The following JAKMIP3 variants were observed in gnomAD, a reference collection of about 807,000 sequenced individuals.
JAKMIP3 encodes janus kinase and microtubule-interacting protein 3.
In JAKMIP3, 58 loss-of-function variants were observed where a neutral mutation model predicts 118.5. The ratio of observed to expected loss-of-function variants is 0.49; its 90% CI spans 0.40 to 0.61. The LOEUF is 0.61. Ranked by LOEUF, JAKMIP3 falls within the 20% of genes least tolerant of loss-of-function variation. The pLI is 0.00. For missense variants in JAKMIP3, 950 were observed against 1,109.0 expected, an observed-to-expected ratio of 0.86 and a Z score of 2.04; for synonymous variants, 486 against 451.2, an observed-to-expected ratio of 1.08 and a Z score of -0.98.
At chr10:132,097,676 G>T (rs1235041574) in intron 1 of JAKMIP3, among the ~76,000 whole-genome samples, 1 of 151,918 alleles carries the variant, frequency 6.6e-6, no homozygotes, top group Non-Finnish European at 1.5e-5. Flanking sequence ...GGGGGAAATA[G>T]GGAAAGGGGA....
intron 3 of JAKMIP3, among the ~76,000 whole-genome samples, chr10:132,122,012 C>A (rs746596665): frequency 6.6e-6 from 1 of 152,226 alleles, no homozygotes; most frequent in Non-Finnish European, 1.5e-5. Flanking sequence ...CCAGCAAAGC[C>A]TCCTGTCTTT....
At chr10:132,149,350 C>T in intron 14 of JAKMIP3, 62 bp from the exon 15 acceptor site, 1 of 1,132,508 alleles carries the variant, frequency 8.8e-7, no homozygotes, top group Non-Finnish European at 1.3e-6. Context: ...GGCCCCAGCA[C>T]AGTCCTCTTA....
At chr10:132,061,216 GGC>G (rs368512819), upstream of JAKMIP3, among the ~76,000 whole-genome samples, 5 of 35,984 alleles carry the variant, frequency 1.4e-4, no homozygotes, top group African/African-American at 3.6e-4. Flanking sequence ...CTGCCGTGAC[GGC>G]GCACACATAC....
At chr10:132,159,682 A>ATGCTGGGGGGTCCTCTCCCTG (rs1564981995) in intron 19 of JAKMIP3, among the ~76,000 whole-genome samples, 14 of 40,418 alleles carry the variant, frequency 3.5e-4, no homozygotes, top group African/African-American at 1.2e-3. Flanking sequence ...TCCTCTCCCT[A>ATGCTGGGGGGTCCTCTCCCTG]TGTGATGCTC....
chr10:132,153,591 C>T (rs2056614493), intron 17 of JAKMIP3, among the ~76,000 whole-genome samples, 168 bp from the exon 18 acceptor site: 1 of 152,134 alleles, frequency 6.6e-6, no homozygotes, highest in African/African-American at 2.4e-5. Flanking sequence ...AGGGGTGGGG[C>T]CATGATGCCA....
chr10:132,053,065 G>A (rs2038143484), intron 1 of JAKMIP3, among the ~76,000 whole-genome samples: 1 of 152,154 alleles, frequency 6.6e-6, no homozygotes, highest in East Asian at 1.9e-4. Flanking sequence ...ACATGTTTGT[G>A]GGGTTTCTCT....
chr10:132,077,947 G>C (rs2041091570), intron 1 of JAKMIP3, among the ~76,000 whole-genome samples: 1 of 152,234 alleles, frequency 6.6e-6, no homozygotes, highest in African/African-American at 2.4e-5. Context: ...GAGTAGCTGA[G>C]ACTACAGGCA....
chr10:132,102,044 T>G (rs1446603553), intron 1 of JAKMIP3, among the ~76,000 whole-genome samples: 1 of 151,940 alleles, frequency 6.6e-6, no homozygotes, highest in Non-Finnish European at 1.5e-5. Flanking sequence ...AGCTGGTGTC[T>G]CCCCTTAGAG....
chr10:132,057,716 T>A (rs959980544), intron 1 of JAKMIP3, among the ~76,000 whole-genome samples: 1 of 152,132 alleles, frequency 6.6e-6, no homozygotes, highest in Non-Finnish European at 1.5e-5. Flanking sequence ...GTCGACCCCT[T>A]GGTGCTGGGT....
At chr10:132,113,827 C>T (rs1198869681) in intron 2 of JAKMIP3, among the ~76,000 whole-genome samples, 5 of 152,212 alleles carry the variant, frequency 3.3e-5, no homozygotes, top group Admixed American at 6.5e-5. Context: ...GCACCATTCA[C>T]GTAAAAAAGG....
At position 132,158,969 on chromosome 10, in the gene JAKMIP3, T is replaced by TGG. The variant is rs1203584355; in HGVS notation, c.2221-4234_2221-4233dup. Among the ~76,000 whole-genome samples the TGG allele has an allele frequency of 9.5e-5, 6 of 63,178 alleles. 1 individual carries two copies. The highest frequency in any genetic ancestry group is 2.4e-4 in the Admixed American group (1 of 4,146). The allele number at this position is 63,178 out of a possible 152,430, so 41.4% of individuals were successfully genotyped here. ...GGGGGGACCTCTCGCTGTGTGATGC[T>TGG]GGGGGGGATCTCTCGCTGTGTGATG... is the stretch of plus-strand genomic sequence containing the variant. On this transcript the variant is annotated intron_variant, in intron 19 of 23. Coordinates refer to ENST00000684848, the MANE Select transcript of JAKMIP3 (RefSeq NM_001323087.2).
At chr10:132,107,576 G>A (rs778986988) in intron 2 of JAKMIP3, among the ~76,000 whole-genome samples, 8 of 152,254 alleles carry the variant, frequency 5.3e-5, no homozygotes, top group Admixed American at 1.3e-4. Context: ...GCCCTCGCCA[G>A]AGGGTTCATG....
Position 132,153,017 on chromosome 10 carries a change from C to T in JAKMIP3, c.2067C>T (p.Ala689=), listed in dbSNP as rs371410240. 37 of 1,606,870 alleles carry T rather than the reference C, an allele frequency of 2.3e-5. No homozygotes were observed. Among genetic ancestry groups the T allele is most frequent in the Admixed American group, 1.0e-4 (6 of 59,264 alleles). The change falls in exon 17 of 24, where the codon GCC becomes GCT. Residue 689 remains alanine (A), a synonymous_variant. Coordinates refer to ENST00000684848, the MANE Select transcript of JAKMIP3 (RefSeq NM_001323087.2). The part of the protein sequence containing the change: ...VIQARTVLTL[A]EKWLQQIEET... Reference sequence around the variant, plus strand: ...AAGCCAGGACAGTCCTGACCTTGGCCGAAAAGGTAACAGCAGCTGTGTGGA... The same window carrying T: ...AAGCCAGGACAGTCCTGACCTTGGCTGAAAAGGTAACAGCAGCTGTGTGGA...
chr10:132,150,611 C>T (rs2055923330), intron 16 of JAKMIP3, among the ~76,000 whole-genome samples: 3 of 152,170 alleles, frequency 2.0e-5, no homozygotes, highest in South Asian at 2.1e-4. Context: ...GTCTTATATC[C>T]ATCCATCTAT....
At chr10:132,067,240 G>A (rs964094035) in intron 1 of JAKMIP3, among the ~76,000 whole-genome samples, 1 of 142,626 alleles carries the variant, frequency 7.0e-6, no homozygotes, top group Non-Finnish European at 1.5e-5. Flanking sequence ...AAGACAAGAC[G>A]CCTGGCACAT....
chr10:132,159,984 A>C (rs1159003866), intron 19 of JAKMIP3, among the ~76,000 whole-genome samples: 9 of 9,010 alleles, frequency 1.0e-3, no homozygotes, highest in East Asian at 7.8e-3. Context: ...GTGGGGGTCT[A>C]CTTCTATGTC....
chr10:132,059,967 G>A (rs867825612), upstream of JAKMIP3, among the ~76,000 whole-genome samples: 60 of 152,350 alleles, frequency 3.9e-4, no homozygotes, highest in African/African-American at 1.2e-3. Context: ...CAGCTGCTGG[G>A]TTGGGCAGGC....
At chr10:132,087,958 T>G (rs1300764067) in intron 1 of JAKMIP3, among the ~76,000 whole-genome samples, 20 of 152,048 alleles carry the variant, frequency 1.3e-4, no homozygotes, top group Non-Finnish European at 8.8e-5. Context: ...ACATGCAGTG[T>G]TTAGTTTTTT....
chr10:132,106,383 T>G (rs1200805623), intron 2 of JAKMIP3, among the ~76,000 whole-genome samples: 1 of 150,482 alleles, frequency 6.6e-6, no homozygotes, highest in East Asian at 1.9e-4. Context: ...CAGCTGCACC[T>G]GCTCATTTAC....
Sources: allele counts gnomAD v4.1 joint callset (sites outside exome capture counted in the v4.1 genomes callset), GRCh38; gene constraint gnomAD v4.1.1; transcripts MANE v1.5; gene names NCBI Gene and HGNC (gene_info 2026-07-23, HGNC 2026-07-21).